ACAT1: variants seen among roughly 807,000 people sequenced by gnomAD.
The protein encoded by ACAT1 is acetyl-CoA acetyltransferase, mitochondrial.
ACAT1 carries 28 observed loss-of-function variants against 47.3 expected under a neutral mutation model. The observed-to-expected ratio is 0.59, with a 90% CI of 0.44 to 0.81. ACAT1 has a LOEUF of 0.81. ACAT1 is among the 30% of genes least tolerant of loss of function. ACAT1 has a pLI of 0.00. For synonymous variants in ACAT1, 181 were observed against 173.6 expected, an observed-to-expected ratio of 1.04 and a Z score of -0.34; for missense variants, 469 against 524.3, an observed-to-expected ratio of 0.89 and a Z score of 1.03.
At chr11:108,143,525 T>C (rs1468779783) in intron 9 of ACAT1, 1 of 152,686 alleles carries the variant, frequency 6.5e-6, no homozygotes, top group Non-Finnish European at 1.5e-5. Context: ...GCCTTCTTCC[T>C]AAGGACTTAA....
upstream of ACAT1, chr11:108,121,345 G>A (rs2077143554): frequency 1.7e-6 from 1 of 573,156 alleles, no homozygotes; most frequent in Admixed American, 3.0e-5. Flanking sequence ...ACGGGAGCCA[G>A]CAGCGTGTCA....
intron 6 of ACAT1, 48 bp from the exon 7 acceptor site, chr11:108,140,017 T>G: frequency 6.4e-7 from 1 of 1,572,954 alleles, no homozygotes; most frequent in Non-Finnish European, 8.7e-7. Flanking sequence ...AATAGATATT[T>G]TCTAAATTAT....
intron 4 of ACAT1, among the ~76,000 whole-genome samples, chr11:108,134,717 G>A (rs183846868): frequency 3.0e-4 from 44 of 147,986 alleles, no homozygotes; most frequent in Admixed American, 2.5e-3. Context: ...AGGCCGAGGC[G>A]GGTGGATCAC....
At position 108,121,570 on chromosome 11, in the gene ACAT1, C is replaced by A. The variant is rs1178482347; in HGVS notation, c.-37C>A. 3.2e-6 allele frequency: 5 copies of A among 1,547,196 alleles called. No individual in the cohort carries two copies. The highest frequency in any genetic ancestry group is 4.4e-6 in the Non-Finnish European group (5 of 1,144,358). On this transcript the variant is annotated 5_prime_UTR_variant, in exon 1 of 12. Transcript: ENST00000265838. ...CGGGGTTGGGGAGGAGGCCGCTAGT[C>A]TACGCCTGTGGAGCCGATACTCAGC...
chr11:108,127,182 T>C (rs112874660), intron 1 of ACAT1, among the ~76,000 whole-genome samples: 6,245 of 151,764 alleles, frequency 0.041, 403 homozygotes, highest in African/African-American at 0.14. Context: ...AGCTGTCAGG[T>C]TGGCGCTTGG....
chr11:108,134,264 T>C lies in ACAT1; in HGVS notation c.282T>C (p.Val94=). ...TGAAAGAAGCATACATGGGTAATGTTCTACAAGGAGGTGAAGGACAAGCTC... is the reference window on the plus strand; with the variant it reads ...TGAAAGAAGCATACATGGGTAATGTCCTACAAGGAGGTGAAGGACAAGCTC... ...EEVKEAYMGN[V]LQGGEGQAPT... The change falls in exon 4 of 12, where the codon GTT becomes GTC. Residue 94 remains valine, a synonymous_variant. Coordinates refer to ENST00000265838, the MANE Select transcript of ACAT1 (RefSeq NM_000019.4). 1 of 1,613,754 alleles carries C rather than the reference T, an allele frequency of 6.2e-7. No homozygotes were observed. The highest frequency in any genetic ancestry group is 8.5e-7 in the Non-Finnish European group (1 of 1,179,848).
intron 7 of ACAT1, among the ~76,000 whole-genome samples, chr11:108,141,203 G>T (rs1490812343): frequency 6.6e-6 from 1 of 151,700 alleles, no homozygotes; most frequent in Non-Finnish European, 1.5e-5. Flanking sequence ...ACTCTATTGG[G>T]AGACTGTGCA....
intron 9 of ACAT1, chr11:108,143,299 A>T (rs540328184): frequency 6.6e-6 from 1 of 152,314 alleles, no homozygotes; most frequent in East Asian, 1.9e-4. Context: ...TTTTAAATTA[A>T]GCTTTAAAAA....
At chr11:108,119,533 T>TA (rs1345490010), upstream of ACAT1, among the ~76,000 whole-genome samples, 1 of 152,188 alleles carries the variant, frequency 6.6e-6, no homozygotes, top group Non-Finnish European at 1.5e-5. Context: ...TGTGATACCC[T>TA]AGTCATCAGC....
At chr11:108,137,716 C>T (rs1034353957) in intron 5 of ACAT1, among the ~76,000 whole-genome samples, 2 of 151,902 alleles carry the variant, frequency 1.3e-5, no homozygotes, top group South Asian at 2.1e-4. Context: ...CTGAGGTGGG[C>T]GGATCGCTTG....
intron 5 of ACAT1, among the ~76,000 whole-genome samples, chr11:108,137,720 T>TC (rs1190112161): frequency 5.9e-5 from 9 of 152,130 alleles, no homozygotes; most frequent in African/African-American, 2.2e-4. Context: ...GGTGGGCGGA[T>TC]CGCTTGAGTC....
chr11:108,147,556 A>AT lies in ACAT1; in HGVS notation c.*168dup. ...TGATGAAATCCCAAAACATTTTGAAATTAAAAATAAATTTCTTCTTCTGCT... is the reference window on the plus strand; with the variant it reads ...TGATGAAATCCCAAAACATTTTGAAATTTAAAAATAAATTTCTTCTTCTGCT... On this transcript the variant is annotated 3_prime_UTR_variant, in exon 12 of 12. Coordinates refer to ENST00000265838, the MANE Select transcript of ACAT1 (RefSeq NM_000019.4). 1 of 957,722 alleles carries AT rather than the reference A, an allele frequency of 1.0e-6. No individual in the cohort carries two copies. Among genetic ancestry groups the AT allele is most frequent in the Non-Finnish European group, 1.5e-6 (1 of 666,244 alleles). The allele number at this position is 957,722 out of a possible 1,614,324, so 59.3% of individuals were successfully genotyped here. A position where few individuals can be genotyped will look rare whatever the true frequency, so the allele number is the denominator to read the frequency against.
upstream of ACAT1, among the ~76,000 whole-genome samples, chr11:108,119,674 A>G (rs2077117144): frequency 1.3e-5 from 2 of 152,200 alleles, no homozygotes; most frequent in African/African-American, 4.8e-5. Context: ...ACACACACAC[A>G]CACACAAAGT....
chr11:108,146,082 G>A (rs1323113689), intron 10 of ACAT1, 120 bp from the exon 11 acceptor site: 6 of 959,188 alleles, frequency 6.3e-6, no homozygotes, highest in Non-Finnish European at 9.7e-6. Context: ...CCTTCCATCT[G>A]AAACCAAGAA....
At chr11:108,144,207 A>G in intron 10 of ACAT1, 160 bp downstream of exon 10, 1 of 769,346 alleles carries the variant, frequency 1.3e-6, no homozygotes, top group East Asian at 2.5e-5. Flanking sequence ...AAGAGCAACA[A>G]GGATAACAAA....
upstream of ACAT1, among the ~76,000 whole-genome samples, chr11:108,119,224 GAC>G (rs539735354): frequency 7.6e-4 from 114 of 150,412 alleles, no homozygotes; most frequent in Non-Finnish European, 1.2e-3. Flanking sequence ...CTTTTTTTGA[GAC>G]ACAGTCTCAT....
chr11:108,127,142 T>TTCTA (rs1404356288), intron 1 of ACAT1, among the ~76,000 whole-genome samples: 1 of 150,982 alleles, frequency 6.6e-6, no homozygotes, highest in Non-Finnish European at 1.5e-5. Context: ...GGGTTGGAAA[T>TTCTA]TGAGAGCTAT....
At position 108,143,966 on chromosome 11, in the gene ACAT1, C is replaced by CT; in HGVS notation, c.941-17_941-16insT. The CT allele has an allele frequency of 9.0e-7, 1 of 1,113,624 alleles. No homozygotes were observed. The highest frequency in any genetic ancestry group is 1.3e-6 in the Non-Finnish European group (1 of 772,176). The allele number at this position is 1,113,624 out of a possible 1,614,324, so 69.0% of individuals were successfully genotyped here. ...AAAAAAGATTTTAACAACCCCCCCCCCCCTTTTTTTAAACAGCATTTGCTG... is the reference window on the plus strand; with the variant it reads ...AAAAAAGATTTTAACAACCCCCCCCCTCCCTTTTTTTAAACAGCATTTGCTG... On this transcript the variant is annotated splice_polypyrimidine_tract_variant and intron_variant, in intron 9 of 11. Coordinates refer to ENST00000265838, the MANE Select transcript of ACAT1 (RefSeq NM_000019.4).
rs144444412 is a variant in ACAT1, at chr11:108,146,487, C to T, written c.1163+128C>T. 1.6e-5 allele frequency: 16 copies of T among 997,470 alleles called. No homozygotes were observed. The East Asian group carries it at 4.1e-4, about 26-fold the overall frequency. 61.8% of individuals were successfully genotyped at this position (997,470 alleles called of 1,614,324 possible). A position where few individuals can be genotyped will look rare whatever the true frequency, so the allele number is the denominator to read the frequency against. On this transcript the variant is annotated intron_variant, in intron 11 of 11. Transcript: ENST00000265838. ...CTACCCATCTTTCATAAGGCAAAAACCATTTCTGATAGATGGTATCCAATA... is the reference window on the plus strand; with the variant it reads ...CTACCCATCTTTCATAAGGCAAAAATCATTTCTGATAGATGGTATCCAATA...
Sources: allele counts gnomAD v4.1 joint callset (sites outside exome capture counted in the v4.1 genomes callset), GRCh38; gene constraint gnomAD v4.1.1; transcripts MANE v1.5; gene names NCBI Gene and HGNC (gene_info 2026-07-23, HGNC 2026-07-21).